The following C2orf49 variants were observed in gnomAD, a reference collection of about 807,000 sequenced individuals.
C2orf49 encodes the protein tRNA-splicing ligase complex subunit ASW.
Under a neutral mutation model 20.6 loss-of-function variants are expected in C2orf49, and 11 were observed. The ratio of observed to expected loss-of-function variants is 0.53; its 90% confidence interval spans 0.34 to 0.88. C2orf49 has a LOEUF of 0.88. C2orf49 is among the 40% of genes least tolerant of loss of function. C2orf49 has a pLI of 0.02. For missense variants in C2orf49, 289 were observed against 274.2 expected (o/e 1.05, Z -0.38); for synonymous variants, 134 against 108.5 (o/e 1.24, Z -1.46).
chr2:105,367,641 T>C, the C2orf49 span: 9 of 1,614,084 alleles, frequency 5.6e-6, no homozygotes, highest in African/African-American at 1.2e-4. Context: ...TGATTGTCTT[T>C]GGGGATGAAA....
rs746516045 is a variant in C2orf49 at position 105,342,902 on chromosome 2, T to G, written c.321T>G (p.Ser107Arg). The change falls in exon 3 of 4, where the codon AGT (serine) becomes AGG (arginine). Residue 107 changes from serine to arginine, a missense_variant. Transcript: ENST00000258457. ...RKRPLIVFDG[S>R]STSTSIKVKK... ...GACCCCTCATCGTATTTGATGGAAGTTCAACAAGTACAAGCATAAAAGTGA... is the reference window on the plus strand; with the variant it reads ...GACCCCTCATCGTATTTGATGGAAGGTCAACAAGTACAAGCATAAAAGTGA... 1 of 1,614,180 alleles carries G rather than the reference T, an allele frequency of 6.2e-7. No homozygotes were observed. The highest frequency in any genetic ancestry group is 1.7e-5 in the Admixed American group (1 of 60,014).
intron 1 of C2orf49, 36 bp downstream of exon 1, chr2:105,337,722 C>T (rs1679540572): frequency 1.4e-6 from 2 of 1,380,570 alleles, no homozygotes; most frequent in Non-Finnish European, 9.7e-7. Context: ...GGCGGGTGGG[C>T]CTTCCCAGGT....
At chr2:105,337,792 G>C in intron 1 of C2orf49, 106 bp downstream of exon 1, 1 of 1,022,902 alleles carries the variant, frequency 9.8e-7, no homozygotes, top group Non-Finnish European at 1.4e-6. Context: ...CACTCCCGCC[G>C]GGTTTGTGTC....
the C2orf49 span, among the ~76,000 whole-genome samples, chr2:105,365,116 G>A: frequency 1.3e-5 from 2 of 152,140 alleles, no homozygotes; most frequent in Non-Finnish European, 2.9e-5. Context: ...CAATGCCTCT[G>A]AGCATAGCAT....
At chr2:105,351,629 T>C (rs973468763), downstream of C2orf49, among the ~76,000 whole-genome samples, 11 of 152,236 alleles carry the variant, frequency 7.2e-5, no homozygotes, top group African/African-American at 2.7e-4. Flanking sequence ...CCCGTTTCCC[T>C]GTGACTTATC....
At chr2:105,377,830 G>GT in the C2orf49 span, 1 of 344,208 alleles carries the variant, frequency 2.9e-6, no homozygotes, top group South Asian at 2.3e-5. Flanking sequence ...AGGCGCCAGG[G>GT]AGAGGGGAGG....
Position 105,339,649 on chromosome 2 carries a change from C to A in C2orf49, c.166C>A (p.His56Asn). 8 of 1,607,910 alleles carry A rather than the reference C, an allele frequency of 5.0e-6. No individual in the cohort carries two copies. The highest frequency in any genetic ancestry group is 6.8e-6 in the Non-Finnish European group (8 of 1,178,646). ...KDSLTDLYVQ[H>N]AIPLPQRDLP... ...CAGTCTTACTGACCTTTATGTCCAA[C>A]ATGCAATACCATTGCCTCAGAGGGA... The change falls in exon 2 of 4, where the codon CAT becomes AAT. Residue 56 changes from histidine to asparagine, a missense_variant. Transcript: ENST00000258457.
At chr2:105,338,098 A>G (rs2104442282) in intron 1 of C2orf49, among the ~76,000 whole-genome samples, 1 of 152,318 alleles carries the variant, frequency 6.6e-6, no homozygotes, top group African/African-American at 2.4e-5. Flanking sequence ...TAAAGATGAT[A>G]AAAACAGTTC....
the C2orf49 span, among the ~76,000 whole-genome samples, chr2:105,381,809 A>G: frequency 5.9e-5 from 9 of 152,130 alleles, no homozygotes; most frequent in African/African-American, 2.2e-4. Flanking sequence ...CTTAAAAACC[A>G]CCCCAACAAA....
the C2orf49 span, chr2:105,367,570 C>T: frequency 6.2e-7 from 1 of 1,611,218 alleles, no homozygotes; most frequent in Non-Finnish European, 8.5e-7. Context: ...TCTGAGATAC[C>T]TTTTTGCACT....
chr2:105,367,954 C>T, the C2orf49 span, among the ~76,000 whole-genome samples: 3 of 152,300 alleles, frequency 2.0e-5, no homozygotes, highest in Non-Finnish European at 4.4e-5. Context: ...GCTCCTAGAA[C>T]AACACGTGTA....
chr2:105,339,808 T>A (rs575889871), intron 2 of C2orf49, 59 bp downstream of exon 2: 144 of 1,377,770 alleles, frequency 1.0e-4, no homozygotes, highest in Non-Finnish European at 1.3e-4. Flanking sequence ...TATATATAAG[T>A]TATTGATTTT....
the C2orf49 span, among the ~76,000 whole-genome samples, chr2:105,357,147 CTT>C: frequency 0.015 from 2,252 of 152,204 alleles, 59 homozygotes; most frequent in African/African-American, 0.051. Flanking sequence ...TTCTCCTGTT[CTT>C]TTTTTCTCTC....
intron 2 of C2orf49, among the ~76,000 whole-genome samples, chr2:105,340,407 G>A (rs1310145502): frequency 6.6e-6 from 1 of 152,190 alleles, no homozygotes; most frequent in African/African-American, 2.4e-5. Flanking sequence ...AAGACTGGAA[G>A]CAGGGAAACA....
the C2orf49 span, among the ~76,000 whole-genome samples, chr2:105,362,814 A>G: frequency 6.6e-6 from 1 of 152,226 alleles, no homozygotes; most frequent in African/African-American, 2.4e-5. Flanking sequence ...GGAATACAAT[A>G]TGAAAAACTC....
the C2orf49 span, chr2:105,373,506 C>T: frequency 1.2e-6 from 2 of 1,603,640 alleles, no homozygotes; most frequent in Admixed American, 1.7e-5. Context: ...GAGGAACGTG[C>T]ACAAGGCTTG....
chr2:105,337,775 C>T, intron 1 of C2orf49, 89 bp downstream of exon 1: 1 of 1,187,182 alleles, frequency 8.4e-7, no homozygotes. Context: ...CCCTCGGCAA[C>T]CACGGACACT....
downstream of C2orf49, among the ~76,000 whole-genome samples, chr2:105,354,208 T>G (rs558233733): frequency 7.9e-5 from 12 of 152,338 alleles, no homozygotes; most frequent in South Asian, 2.5e-3. Context: ...CCATTGTAGT[T>G]CCAGGGCACA....
At chr2:105,366,257 T>C in the C2orf49 span, among the ~76,000 whole-genome samples, 10 of 151,776 alleles carry the variant, frequency 6.6e-5, no homozygotes, top group Admixed American at 4.6e-4. Context: ...GAATGGAAAT[T>C]GGTAAGAATA....
Sources: gnomAD v4.1 joint callset for allele counts (sites outside exome capture counted in the v4.1 genomes callset) on GRCh38, gnomAD v4.1.1 for gene constraint, MANE v1.5 for transcripts, NCBI Gene and HGNC (gene_info 2026-07-23, HGNC 2026-07-21) for gene names.